The following LRRC4C variants were observed in gnomAD, a reference collection of about 807,000 sequenced individuals.
LRRC4C encodes the protein leucine rich repeat containing 4C.
A neutral mutation model predicts 33.6 loss-of-function variants in LRRC4C; 5 were observed. That is an observed-to-expected ratio of 0.15 (90% confidence interval 0.08 to 0.31). LRRC4C has a LOEUF of 0.31. Among genes scored for constraint, LRRC4C ranks in the 10% least tolerant of loss-of-function variants. The pLI, the probability that LRRC4C is intolerant of heterozygous loss-of-function variation, is 1.00. For missense variants in LRRC4C, 560 were observed against 796.7 expected, an observed-to-expected ratio of 0.70 and a Z score of 3.58; for synonymous variants, 329 against 302.0, an observed-to-expected ratio of 1.09 and a Z score of -0.93.
chr11:41,374,466 C>T (rs1414568027), intron 1 of LRRC4C, among the ~76,000 whole-genome samples: 1 of 151,852 alleles, frequency 6.6e-6, no homozygotes, highest in Non-Finnish European at 1.5e-5. Flanking sequence ...GACAGAGTAA[C>T]AAGTTAAATA....
intron 1 of LRRC4C, among the ~76,000 whole-genome samples, chr11:41,163,290 T>TTTTTTTG (rs1451452728): frequency 8.8e-6 from 1 of 113,794 alleles, no homozygotes; most frequent in Non-Finnish European, 1.9e-5. Context: ...AACTGTTTTT[T>TTTTTTTG]TTTTTTTTTT....
intron 1 of LRRC4C, among the ~76,000 whole-genome samples, chr11:41,001,608 T>G (rs546424853): frequency 1.1e-5 from 1 of 95,052 alleles, no homozygotes; most frequent in African/African-American, 4.0e-5. Context: ...GAACTCTACA[T>G]AATTAAAAAA....
chr11:40,670,179 A>C (rs1261481062), intron 2 of LRRC4C, among the ~76,000 whole-genome samples: 2 of 152,200 alleles, frequency 1.3e-5, no homozygotes, highest in Admixed American at 1.3e-4. Context: ...CATTATAGTC[A>C]CTTAAAGGTG....
chr11:40,316,585 T>C (rs188669168), intron 4 of LRRC4C, among the ~76,000 whole-genome samples: 20 of 152,104 alleles, frequency 1.3e-4, no homozygotes, highest in Admixed American at 1.3e-3. Flanking sequence ...AGAGTTATGA[T>C]AGTTAATCAA....
chr11:40,270,301 G>T (rs1942595264), intron 4 of LRRC4C, among the ~76,000 whole-genome samples: 1 of 152,030 alleles, frequency 6.6e-6, no homozygotes, highest in Non-Finnish European at 1.5e-5. Flanking sequence ...TAAGGTGTCG[G>T]CAGGTTTGTT....
chr11:40,988,401 A>G (rs1233035392), intron 1 of LRRC4C, among the ~76,000 whole-genome samples: 3 of 152,102 alleles, frequency 2.0e-5, no homozygotes, highest in Non-Finnish European at 2.9e-5. Flanking sequence ...TGGAACTCCT[A>G]TGTTCAATCC....
At chr11:41,185,800 A>G (rs749661192) in intron 1 of LRRC4C, among the ~76,000 whole-genome samples, 1 of 152,324 alleles carries the variant, frequency 6.6e-6, no homozygotes, top group East Asian at 1.9e-4. Flanking sequence ...TATAGAAAAA[A>G]GTCACAAATT....
chr11:41,112,776 AAG>A (rs1941909862), intron 1 of LRRC4C, among the ~76,000 whole-genome samples: 1 of 152,182 alleles, frequency 6.6e-6, no homozygotes, highest in Admixed American at 6.6e-5. Context: ...TCTGAGTAAA[AAG>A]AGAGTCAGAG....
intron 1 of LRRC4C, among the ~76,000 whole-genome samples, chr11:41,022,429 A>G (rs561929091): frequency 2.6e-4 from 39 of 152,036 alleles, no homozygotes; most frequent in African/African-American, 9.1e-4. Flanking sequence ...CCTTTTACAT[A>G]GAACTTTGAG....
chr11:40,289,353 A>G (rs1322437250), intron 4 of LRRC4C, among the ~76,000 whole-genome samples: 2 of 152,216 alleles, frequency 1.3e-5, no homozygotes, highest in South Asian at 4.1e-4. Context: ...ATTACATATT[A>G]TAATTCCCAC....
chr11:41,013,581 T>C (rs908193197), intron 1 of LRRC4C, among the ~76,000 whole-genome samples: 1 of 152,188 alleles, frequency 6.6e-6, no homozygotes, highest in Admixed American at 6.5e-5. Context: ...TTTGGGGTGC[T>C]ATAATAACCA....
intron 3 of LRRC4C, among the ~76,000 whole-genome samples, chr11:40,341,667 C>T (rs1946873305): frequency 6.6e-6 from 1 of 152,074 alleles, no homozygotes; most frequent in Non-Finnish European, 1.5e-5. Context: ...TGCACATGAA[C>T]CCTAAAACTT....
At chr11:40,944,678 G>A (rs1018071142) in intron 1 of LRRC4C, among the ~76,000 whole-genome samples, 1 of 152,098 alleles carries the variant, frequency 6.6e-6, no homozygotes, top group Admixed American at 6.6e-5. Context: ...CCCAGTCCTC[G>A]AGATGATTCT....
chr11:41,307,148 C>T (rs1950527554), intron 1 of LRRC4C, among the ~76,000 whole-genome samples: 1 of 151,938 alleles, frequency 6.6e-6, no homozygotes, highest in African/African-American at 2.4e-5. Context: ...GAGACTCCTT[C>T]TGCTGAAGGG....
intron 2 of LRRC4C, among the ~76,000 whole-genome samples, chr11:40,767,678 GTA>G: frequency 6.6e-6 from 1 of 151,914 alleles, no homozygotes. Flanking sequence ...ACTTTAAAAA[GTA>G]TACAAACACA....
At position 40,115,100 on chromosome 11, in the gene LRRC4C, GC is replaced by G; in HGVS notation, c.1192del (p.Ala398ArgfsTer6). The G allele has an allele frequency of 6.2e-7, 1 of 1,614,118 alleles. No individual in the cohort carries two copies. Among genetic ancestry groups the G allele is most frequent in the Non-Finnish European group, 8.5e-7 (1 of 1,180,040 alleles). On this transcript the variant is annotated frameshift_variant, in exon 7 of 7. Coordinates refer to ENST00000528697, the MANE Select transcript of LRRC4C (RefSeq NM_001258419.2). LOFTEE classifies it high-confidence loss of function. The surrounding 1 kb of genome is among the most constrained non-coding windows in gnomAD (Gnocchi z 6.7). ...GAGCACAGCTATCCGCACTTTGTAC[GC>G]CCCATGTGTCATGACTGTTCCATTT... ...TPNGTVMTHG[A>X]YKVRIAVLSD... is the part of the protein sequence containing the mutation.
At chr11:40,122,837 A>G (rs1855924122) in intron 6 of LRRC4C, among the ~76,000 whole-genome samples, 2 of 148,970 alleles carry the variant, frequency 1.3e-5, no homozygotes, top group African/African-American at 5.0e-5. Flanking sequence ...AATTTTATAT[A>G]AAACATTTAC....
intron 1 of LRRC4C, among the ~76,000 whole-genome samples, chr11:41,225,649 A>G (rs146808919): frequency 6.6e-6 from 1 of 151,668 alleles, no homozygotes; most frequent in East Asian, 1.9e-4. Context: ...ATTTATATAT[A>G]TTTTTTTGTT....
intron 1 of LRRC4C, among the ~76,000 whole-genome samples, chr11:41,027,164 AACAAT>A (rs1856433603): frequency 6.6e-6 from 1 of 151,814 alleles, no homozygotes; most frequent in Middle Eastern, 3.4e-3. Context: ...TTCACTGCAT[AACAAT>A]ACAATTACTA....
Sources: gnomAD v4.1 joint callset for allele counts (sites outside exome capture counted in the v4.1 genomes callset) on GRCh38, gnomAD v4.1.1 for gene constraint, Gnocchi (gnomAD v3.1) non-coding constraint, MANE v1.5 for transcripts, NCBI Gene and HGNC (gene_info 2026-07-23, HGNC 2026-07-21) for gene names.